The following KLHL1 variants were observed in gnomAD, a reference collection of about 807,000 sequenced individuals.
KLHL1 encodes the protein kelch-like protein 1.
A neutral mutation model predicts 77.7 loss-of-function variants in KLHL1; 47 were observed. The ratio of observed to expected loss-of-function variants is 0.60; its 90% confidence interval spans 0.48 to 0.77. The LOEUF (loss-of-function observed/expected upper bound fraction) is 0.77, where lower values mean the gene tolerates loss of function less well. KLHL1 is among the 30% of genes least tolerant of loss of function. The pLI is 0.00. For synonymous variants in KLHL1, 360 were observed against 325.2 expected (o/e 1.11, Z -1.15); for missense variants, 925 against 910.8 (o/e 1.02, Z -0.20).
chr13:69,936,546 G>A (rs2875576), intron 4 of KLHL1, among the ~76,000 whole-genome samples: 58,055 of 143,980 alleles, frequency 0.4, 12,027 homozygotes, highest in Non-Finnish European at 0.47. Flanking sequence ...TGGAGATTAC[G>A]CCTCTGCACT....
intron 1 of KLHL1, among the ~76,000 whole-genome samples, chr13:70,035,584 T>A (rs1992424): frequency 0.25 from 37,905 of 151,814 alleles, 5,524 homozygotes; most frequent in African/African-American, 0.41. Context: ...TACCAATGGA[T>A]CTTTTTATGA....
intron 1 of KLHL1, among the ~76,000 whole-genome samples, chr13:70,027,204 A>G (rs1335344351): frequency 6.6e-6 from 1 of 152,158 alleles, no homozygotes; most frequent in Non-Finnish European, 1.5e-5. Flanking sequence ...ATAACATTTT[A>G]AAAGTAGATA....
At chr13:69,741,403 TGTGA>T (rs1166153081) in intron 7 of KLHL1, among the ~76,000 whole-genome samples, 2 of 152,312 alleles carry the variant, frequency 1.3e-5, no homozygotes, top group East Asian at 3.9e-4. Flanking sequence ...CTGAAGCATC[TGTGA>T]GTTTTACCCT....
rs556114790 is a variant in KLHL1 at position 69,982,060 on chromosome 13, AGTT to A, written c.498-6261_498-6259del. Among the ~76,000 whole-genome samples, 42 of 152,240 alleles carry A rather than the reference AGTT, an allele frequency of 2.8e-4. No individual in the cohort carries two copies. In the East Asian group the frequency reaches 7.0e-3, roughly 25 times the overall value. On this transcript the variant is annotated intron_variant, in intron 1 of 10. Coordinates refer to ENST00000377844, the MANE Select transcript of KLHL1 (RefSeq NM_020866.3). ...TTTCTTTACTTTGCAATGAAAGTTA[AGTT>A]GTTATCAGTTTAAAATAACTTGTTA...
chr13:70,082,369 A>G (rs1566560631), intron 1 of KLHL1, among the ~76,000 whole-genome samples: 1 of 137,284 alleles, frequency 7.3e-6, no homozygotes, highest in African/African-American at 2.8e-5. Flanking sequence ...ACACACACAC[A>G]AAGGAACCAT....
intron 8 of KLHL1, among the ~76,000 whole-genome samples, chr13:69,735,949 A>T (rs181262396): frequency 7.1e-4 from 108 of 152,314 alleles, no homozygotes; most frequent in Admixed American, 1.3e-3. Flanking sequence ...ATATGTATTC[A>T]TTGTATATGT....
intron 5 of KLHL1, among the ~76,000 whole-genome samples, chr13:69,862,314 A>G (rs1880204016): frequency 6.6e-6 from 1 of 151,960 alleles, no homozygotes; most frequent in Admixed American, 6.6e-5. Context: ...GAGAGAGAGA[A>G]GCAAATATTA....
intron 1 of KLHL1, among the ~76,000 whole-genome samples, chr13:70,061,108 T>C (rs1348601640): frequency 1.3e-5 from 2 of 152,028 alleles, no homozygotes; most frequent in African/African-American, 4.8e-5. Flanking sequence ...GAAGTGAGGA[T>C]GGTTATCTCC....
At chr13:69,934,967 T>TATATAC (rs1491020439) in intron 4 of KLHL1, among the ~76,000 whole-genome samples, 50 of 49,624 alleles carry the variant, frequency 1.0e-3, no homozygotes, top group African/African-American at 2.5e-3. Context: ...CATGTGTATA[T>TATATAC]ATATATATAT....
At chr13:70,014,527 C>T (rs1453588202) in intron 1 of KLHL1, among the ~76,000 whole-genome samples, 1 of 149,964 alleles carries the variant, frequency 6.7e-6, no homozygotes, top group Non-Finnish European at 1.5e-5. Context: ...AAAATCATCA[C>T]TGAGTCTGTC....
chr13:69,737,681 G>A (rs889588728), intron 8 of KLHL1, among the ~76,000 whole-genome samples: 4 of 152,160 alleles, frequency 2.6e-5, no homozygotes, highest in African/African-American at 9.6e-5. Context: ...ACTAGAGGGG[G>A]CCTCCCCATG....
intron 4 of KLHL1, among the ~76,000 whole-genome samples, chr13:69,900,157 C>G (rs1254364949): frequency 6.6e-6 from 1 of 151,988 alleles, no homozygotes; most frequent in South Asian, 2.1e-4. Context: ...GCCTCTATGC[C>G]CTTCAATAAC....
chr13:69,995,356 A>G (rs1324305709), intron 1 of KLHL1, among the ~76,000 whole-genome samples: 6 of 152,174 alleles, frequency 3.9e-5, no homozygotes, highest in Admixed American at 2.6e-4. Flanking sequence ...GGTATCATGT[A>G]TGAAACAGCT....
chr13:69,751,844 T>C (rs1019395085), intron 7 of KLHL1, among the ~76,000 whole-genome samples: 15 of 152,112 alleles, frequency 9.9e-5, no homozygotes, highest in African/African-American at 3.6e-4. Context: ...TGATAGTGTC[T>C]TGCTTGTCCT....
intron 8 of KLHL1, among the ~76,000 whole-genome samples, chr13:69,724,995 T>C (rs1873231923): frequency 6.6e-6 from 1 of 152,176 alleles, no homozygotes; most frequent in African/African-American, 2.4e-5. Context: ...GCAACTCAAG[T>C]GAATGCTGCA....
chr13:69,951,502 A>G (rs1883711212), intron 3 of KLHL1, among the ~76,000 whole-genome samples: 1 of 151,448 alleles, frequency 6.6e-6, no homozygotes, highest in Non-Finnish European at 1.5e-5. Context: ...TATTTTATTC[A>G]GTGACTTTGG....
intron 1 of KLHL1, among the ~76,000 whole-genome samples, chr13:70,023,918 A>AGTC: frequency 6.6e-6 from 1 of 151,988 alleles, no homozygotes; most frequent in Non-Finnish European, 1.5e-5. Flanking sequence ...GTAACTTACT[A>AGTC]AAGGGGTGAT....
intron 1 of KLHL1, among the ~76,000 whole-genome samples, chr13:70,019,041 A>T (rs1885725767): frequency 6.6e-6 from 1 of 152,208 alleles, no homozygotes; most frequent in South Asian, 2.1e-4. Flanking sequence ...TGATCATTTA[A>T]TGTCAATTAT....
At chr13:69,965,936 G>A (rs1296441413) in intron 2 of KLHL1, among the ~76,000 whole-genome samples, 1 of 152,112 alleles carries the variant, frequency 6.6e-6, no homozygotes, top group East Asian at 1.9e-4. Context: ...GTACAAAGTT[G>A]GCAGAAGTTA....
Sources: allele counts gnomAD v4.1 joint callset (sites outside exome capture counted in the v4.1 genomes callset), GRCh38; gene constraint gnomAD v4.1.1; transcripts MANE v1.5; gene names NCBI Gene and HGNC (gene_info 2026-07-23, HGNC 2026-07-21).